Variants in ASPH observed in about 807,000 individuals in gnomAD.
ASPH encodes aspartyl/asparaginyl beta-hydroxylase.
ASPH carries 100 observed loss-of-function variants against 118.4 expected under a neutral mutation model. The observed-to-expected ratio is 0.84, with a 90% CI of 0.72 to 1.00. The LOEUF (loss-of-function observed/expected upper bound fraction) is 1.00, where lower values mean the gene tolerates loss of function less well. Among genes scored for constraint, ASPH ranks in the 50% least tolerant of loss-of-function variants. ASPH has a pLI of 0.00. For synonymous variants in ASPH, 315 were observed against 325.6 expected (o/e 0.97, Z 0.35); for missense variants, 920 against 919.5 (o/e 1.00, Z -0.01).
At chr8:61,610,786 A>G (rs749029281) in intron 14 of ASPH, among the ~76,000 whole-genome samples, 7 of 152,228 alleles carry the variant, frequency 4.6e-5, no homozygotes, top group Non-Finnish European at 7.3e-5. Flanking sequence ...GCTGTTGTCA[A>G]TGAGGAATAC....
chr8:61,622,522 CAT>C lies in ASPH; in HGVS notation c.935-3505_935-3504del, dbSNP rs1851340798. Among the ~76,000 whole-genome samples, 3 of 152,344 alleles carry C rather than the reference CAT, an allele frequency of 2.0e-5. No individual in the cohort carries two copies. In the South Asian group the frequency reaches 6.2e-4, roughly 32 times the overall value. On this transcript the variant is annotated intron_variant, in intron 13 of 24. Transcript: ENST00000379454. ...CATCTGTTCTTTCCCTGCACCAGGACATGAGACTGCTCTCTCCCTAAGCACCC... is the reference window on the plus strand; with the variant it reads ...CATCTGTTCTTTCCCTGCACCAGGACGAGACTGCTCTCTCCCTAAGCACCC...
intron 24 of ASPH, among the ~76,000 whole-genome samples, chr8:61,508,244 G>C (rs896311848): frequency 1.3e-5 from 2 of 152,086 alleles, no homozygotes; most frequent in African/African-American, 4.8e-5. Flanking sequence ...TCCAACTCCT[G>C]GGCTCAAACA....
intron 1 of ASPH, among the ~76,000 whole-genome samples, chr8:61,696,600 C>T (rs1043382832): frequency 2.0e-5 from 3 of 151,852 alleles, no homozygotes; most frequent in East Asian, 1.9e-4. Flanking sequence ...CCTAATGAGT[C>T]GGCTCTGCAA....
chr8:61,572,720 CT>C (rs1833837441), intron 16 of ASPH, among the ~76,000 whole-genome samples: 1 of 152,184 alleles, frequency 6.6e-6, no homozygotes, highest in Non-Finnish European at 1.5e-5. Context: ...GCCTTCTATT[CT>C]TTTTGCATCT....
At chr8:61,596,945 T>C (rs954093729) in intron 14 of ASPH, among the ~76,000 whole-genome samples, 6 of 151,566 alleles carry the variant, frequency 4.0e-5, no homozygotes, top group African/African-American at 1.5e-4. Context: ...ATAATAATAC[T>C]AAAGAAACTC....
At chr8:61,670,235 T>C (rs529681168) in intron 3 of ASPH, among the ~76,000 whole-genome samples, 1 of 150,414 alleles carries the variant, frequency 6.6e-6, no homozygotes, top group Non-Finnish European at 1.5e-5. Context: ...GAAAAAAAAA[T>C]TTTTTTTTGT....
At chr8:61,637,075 G>A (rs1414078965) in intron 12 of ASPH, among the ~76,000 whole-genome samples, 1 of 152,162 alleles carries the variant, frequency 6.6e-6, no homozygotes, top group African/African-American at 2.4e-5. Flanking sequence ...CTCAAAAGCA[G>A]TAACATTTAA....
At chr8:61,707,313 G>C (rs1836936393) in intron 1 of ASPH, among the ~76,000 whole-genome samples, 1 of 151,876 alleles carries the variant, frequency 6.6e-6, no homozygotes, top group South Asian at 2.1e-4. Flanking sequence ...TATACGAACA[G>C]GCAATTCAAA....
At chr8:61,573,726 G>A (rs999999810) in intron 16 of ASPH, among the ~76,000 whole-genome samples, 8 of 152,006 alleles carry the variant, frequency 5.3e-5, no homozygotes, top group Middle Eastern at 3.4e-3. Flanking sequence ...TTCAATGTAA[G>A]GCCTAAAACC....
rs931099581 is a variant in ASPH, at chr8:61,663,057, T to G, written c.323-9397A>C. 9 of 985,262 alleles carry G rather than the reference T, an allele frequency of 9.1e-6. No homozygotes were observed. In the African/African-American group the frequency reaches 1.4e-4, roughly 15 times the overall value. The allele number at this position is 985,262 out of a possible 1,614,324, so 61.0% of individuals were successfully genotyped here. A position where few individuals can be genotyped will look rare whatever the true frequency, so the allele number is the denominator to read the frequency against. On this transcript the variant is annotated intron_variant, in intron 3 of 24. Coordinates refer to ENST00000379454, the MANE Select transcript of ASPH (RefSeq NM_004318.4). Reference sequence around the variant, plus strand: ...AAAAATCTTTAGTGAAGACAGCACTTAAAATTTTGTACATAAGTTTTAAAA... The same window carrying G: ...AAAAATCTTTAGTGAAGACAGCACTGAAAATTTTGTACATAAGTTTTAAAA...
At chr8:61,642,590 G>A (rs1805679914) in intron 10 of ASPH, among the ~76,000 whole-genome samples, 1 of 152,184 alleles carries the variant, frequency 6.6e-6, no homozygotes, top group Non-Finnish European at 1.5e-5. Context: ...TGCAGGCCGG[G>A]CGCAGTGGCT....
intron 1 of ASPH, among the ~76,000 whole-genome samples, chr8:61,710,879 C>G (rs1277932966): frequency 6.6e-6 from 1 of 152,152 alleles, no homozygotes; most frequent in African/African-American, 2.4e-5. Context: ...AAACTAAACT[C>G]AGAAGTGTGT....
At chr8:61,636,445 C>T (rs1278489350) in intron 12 of ASPH, among the ~76,000 whole-genome samples, 1 of 152,068 alleles carries the variant, frequency 6.6e-6, no homozygotes, top group South Asian at 2.1e-4. Flanking sequence ...ATTGATACAA[C>T]CGGCCAAGAG....
chr8:61,560,087 C>T (rs1829276163), intron 18 of ASPH, among the ~76,000 whole-genome samples: 1 of 152,232 alleles, frequency 6.6e-6, no homozygotes, highest in Non-Finnish European at 1.5e-5. Flanking sequence ...AGATTATAAA[C>T]TTCATGTGGG....
At chr8:61,700,898 G>T (rs1254157727) in intron 1 of ASPH, among the ~76,000 whole-genome samples, 1 of 152,172 alleles carries the variant, frequency 6.6e-6, no homozygotes, top group African/African-American at 2.4e-5. Context: ...ATAAACTATA[G>T]TTACACATTT....
rs1261143515 is a variant in ASPH at position 61,626,724 on chromosome 8, T to C, written c.934+6959A>G. Among the ~76,000 whole-genome samples the C allele has an allele frequency of 9.1e-5, 5 of 55,204 alleles. No homozygotes were observed. The East Asian group carries it at 2.1e-3, about 23-fold the overall frequency. The allele number at this position is 55,204 out of a possible 152,430, so 36.2% of individuals were successfully genotyped here. A position where few individuals can be genotyped will look rare whatever the true frequency, so the allele number is the denominator to read the frequency against. ...AAATAAATTTTAAATTAAAATAAAT[T>C]TTAAAAAATTAAAAATTAAAATATA... On this transcript the variant is annotated intron_variant, in intron 13 of 24. Transcript: ENST00000379454.
intron 16 of ASPH, among the ~76,000 whole-genome samples, chr8:61,574,717 G>C (rs1397420047): frequency 6.6e-6 from 1 of 152,114 alleles, no homozygotes; most frequent in African/African-American, 2.4e-5. Context: ...CTAGGGGAGG[G>C]ATAGCATTAG....
chr8:61,665,684 G>A (rs996706806), intron 3 of ASPH: 2 of 1,416,040 alleles, frequency 1.4e-6, no homozygotes, highest in Non-Finnish European at 1.9e-6. Flanking sequence ...TTAGTGAAAA[G>A]GTATTCTCTT....
intron 1 of ASPH, among the ~76,000 whole-genome samples, chr8:61,685,318 G>C (rs1379075702): frequency 6.6e-6 from 1 of 152,078 alleles, no homozygotes; most frequent in Non-Finnish European, 1.5e-5. Context: ...TTCCCTTCAG[G>C]GGCAGTTCCT....
Sources: gnomAD v4.1 joint callset for allele counts (sites outside exome capture counted in the v4.1 genomes callset) on GRCh38, gnomAD v4.1.1 for gene constraint, MANE v1.5 for transcripts, NCBI Gene and HGNC (gene_info 2026-07-23, HGNC 2026-07-21) for gene names.